The following NCALD variants were observed in gnomAD, a reference collection of about 807,000 sequenced individuals.
NCALD encodes neurocalcin delta, also known as neurocalcin-delta.
A neutral mutation model predicts 18.6 loss-of-function variants in NCALD; 10 were observed. That is an observed-to-expected ratio of 0.54 (90% CI 0.33 to 0.91). NCALD has a LOEUF of 0.91. NCALD is among the 40% of genes least tolerant of loss of function. NCALD has a pLI of 0.03. For synonymous variants in NCALD, 88 were observed against 87.4 expected, an observed-to-expected ratio of 1.01 and a Z score of -0.04; for missense variants, 184 against 247.6, an observed-to-expected ratio of 0.74 and a Z score of 1.72.
At chr8:101,948,968 G>T (rs1293509932) in intron 2 of NCALD, among the ~76,000 whole-genome samples, 3 of 152,136 alleles carry the variant, frequency 2.0e-5, no homozygotes, top group African/African-American at 7.2e-5. Context: ...ACAGGACCTG[G>T]CATGTACCAA....
At chr8:101,732,036 G>A (rs1816855931) in intron 1 of NCALD, among the ~76,000 whole-genome samples, 1 of 152,210 alleles carries the variant, frequency 6.6e-6, no homozygotes, top group Non-Finnish European at 1.5e-5. Flanking sequence ...GCTGCCTTGG[G>A]AGCCAGATGC....
At chr8:101,891,977 G>A (rs1004082083) in intron 3 of NCALD, among the ~76,000 whole-genome samples, 1 of 152,216 alleles carries the variant, frequency 6.6e-6, no homozygotes, top group Non-Finnish European at 1.5e-5. Flanking sequence ...AGTAAACAAA[G>A]CAGCCAGGAA....
intron 1 of NCALD, among the ~76,000 whole-genome samples, chr8:102,025,196 CA>C (rs1363977480): frequency 2.0e-5 from 3 of 152,184 alleles, no homozygotes; most frequent in African/African-American, 7.2e-5. Flanking sequence ...AGCTACTCTT[CA>C]TTCACCTAAC....
chr8:101,899,555 T>G (rs145828554), intron 3 of NCALD, among the ~76,000 whole-genome samples: 19 of 152,050 alleles, frequency 1.2e-4, no homozygotes, highest in Non-Finnish European at 2.1e-4. Context: ...TTGAGGGAGA[T>G]TCCTTCTATT....
chr8:101,697,986 A>C (rs1454333440), intron 2 of NCALD, among the ~76,000 whole-genome samples: 1 of 152,194 alleles, frequency 6.6e-6, no homozygotes, highest in Non-Finnish European at 1.5e-5. Context: ...ATAAGAAGAG[A>C]GGAAATCAAA....
intron 4 of NCALD, among the ~76,000 whole-genome samples, chr8:101,804,018 C>T (rs1253915360): frequency 1.3e-5 from 2 of 151,910 alleles, no homozygotes; most frequent in African/African-American, 2.4e-5. Context: ...CCATAGCCAC[C>T]CCAACCTTCA....
At chr8:102,001,939 C>T (rs1667014178) in intron 2 of NCALD, among the ~76,000 whole-genome samples, 1 of 152,158 alleles carries the variant, frequency 6.6e-6, no homozygotes, top group Non-Finnish European at 1.5e-5. Flanking sequence ...ATTGTAAAGA[C>T]CATAGAGGCT....
chr8:101,701,246 A>ACAGC (rs1236021488), intron 2 of NCALD, among the ~76,000 whole-genome samples: 2 of 152,162 alleles, frequency 1.3e-5, no homozygotes, highest in Non-Finnish European at 2.9e-5. Flanking sequence ...ACAACCCCAG[A>ACAGC]CAGCCATCTG....
At chr8:101,855,593 T>C (rs188130921) in intron 4 of NCALD, among the ~76,000 whole-genome samples, 1 of 152,228 alleles carries the variant, frequency 6.6e-6, no homozygotes, top group East Asian at 1.9e-4. Context: ...ACTCAAGAAA[T>C]TGAATCTCAA....
intron 4 of NCALD, among the ~76,000 whole-genome samples, chr8:101,804,786 A>G (rs1057476709): frequency 1.3e-5 from 2 of 150,822 alleles, no homozygotes; most frequent in Non-Finnish European, 1.5e-5. Flanking sequence ...TATAAACATA[A>G]CTTTTATATG....
intron 1 of NCALD, among the ~76,000 whole-genome samples, chr8:102,074,416 C>T (rs769377898): frequency 5.9e-4 from 90 of 152,176 alleles, no homozygotes; most frequent in Non-Finnish European, 2.1e-4. Context: ...TCTGGGCAAA[C>T]TCGCATTCTA....
At chr8:102,104,354 G>T (rs1825380594) in intron 1 of NCALD, among the ~76,000 whole-genome samples, 2 of 151,974 alleles carry the variant, frequency 1.3e-5, no homozygotes, top group African/African-American at 4.8e-5. Flanking sequence ...TTCAAATAGG[G>T]GGCACCTAGC....
chr8:102,057,806 T>C (rs1823706242), intron 1 of NCALD, among the ~76,000 whole-genome samples: 1 of 152,254 alleles, frequency 6.6e-6, no homozygotes, highest in South Asian at 2.1e-4. Context: ...GGAAAAATTT[T>C]TGAATAATAA....
intron 3 of NCALD, among the ~76,000 whole-genome samples, chr8:101,891,845 CT>C (rs1816905677): frequency 6.6e-6 from 1 of 152,230 alleles, no homozygotes; most frequent in African/African-American, 2.4e-5. Context: ...TATCCCACAC[CT>C]GGCTCGGAGG....
chr8:102,096,854 G>A (rs1825119234), intron 1 of NCALD, among the ~76,000 whole-genome samples: 1 of 152,164 alleles, frequency 6.6e-6, no homozygotes. Flanking sequence ...TTCTTTCCCT[G>A]CTTTGTGCAT....
chr8:101,868,138 T>C (rs1815850581), intron 4 of NCALD, among the ~76,000 whole-genome samples: 1 of 152,202 alleles, frequency 6.6e-6, no homozygotes, highest in African/African-American at 2.4e-5. Context: ...TCAATCATGC[T>C]GCTTGCCTGG....
chr8:102,014,456 G>T (rs1223554562), intron 2 of NCALD, among the ~76,000 whole-genome samples: 1 of 151,858 alleles, frequency 6.6e-6, no homozygotes, highest in Non-Finnish European at 1.5e-5. Flanking sequence ...GAATTCTGGG[G>T]GGTATACAAA....
intron 1 of NCALD, among the ~76,000 whole-genome samples, chr8:102,034,292 T>A (rs1478514982): frequency 6.6e-6 from 1 of 152,190 alleles, no homozygotes; most frequent in Non-Finnish European, 1.5e-5. Flanking sequence ...CATCAACATA[T>A]AAATGTAAAT....
At chr8:101,846,178 T>C (rs1277140948) in intron 4 of NCALD, among the ~76,000 whole-genome samples, 1 of 152,214 alleles carries the variant, frequency 6.6e-6, no homozygotes, top group Non-Finnish European at 1.5e-5. Context: ...TCCTTTCTTT[T>C]GGATCAGCAG....
Sources: gnomAD v4.1 joint callset for allele counts (sites outside exome capture counted in the v4.1 genomes callset) on GRCh38, gnomAD v4.1.1 for gene constraint, MANE v1.5 for transcripts, NCBI Gene and HGNC (gene_info 2026-07-23, HGNC 2026-07-21) for gene names.